The following NLGN4X variants were observed in gnomAD, a reference collection of about 807,000 sequenced individuals.
NLGN4X encodes neuroligin-4, X-linked.
A neutral mutation model predicts 40.3 loss-of-function variants in NLGN4X; 3 were observed. The ratio of observed to expected loss-of-function variants is 0.07; its 90% CI spans 0.03 to 0.19. The LOEUF (loss-of-function observed/expected upper bound fraction) is 0.19, where lower values mean the gene tolerates loss of function less well. NLGN4X is among the 10% of genes least tolerant of loss of function. The probability of loss-of-function intolerance (pLI) is 1.00; values close to 1 mark genes in which losing one functional copy is unlikely to be tolerated. For missense variants in NLGN4X, 382 were observed against 708.3 expected, an observed-to-expected ratio of 0.54 and a Z score of 5.23; for synonymous variants, 270 against 306.8, an observed-to-expected ratio of 0.88 and a Z score of 1.25.
At chrX:6,171,903 T>C (rs1440360692) in intron 1 of NLGN4X, among the ~76,000 whole-genome samples, 1 of 111,098 alleles carries the variant, frequency 9.0e-6, no homozygotes, top group Admixed American at 9.6e-5. Context: ...TACACACCCC[T>C]TGGTACTGTA....
rs113472506 is a variant in NLGN4X at position 5,969,860 on chromosome X, C to T, written c.625+59420G>A. On this transcript the variant is annotated intron_variant, in intron 3 of 5. Coordinates refer to ENST00000381095, the MANE Select transcript of NLGN4X (RefSeq NM_181332.3). ...TATGCAGCCATAAAAATGATGAGTTCGTGTCCTTTGTAGGGACATGGATGA... is the reference window on the plus strand; with the variant it reads ...TATGCAGCCATAAAAATGATGAGTTTGTGTCCTTTGTAGGGACATGGATGA... 5.9e-3 allele frequency among the ~76,000 whole-genome samples: 650 copies of T among 110,147 alleles called. 7 individuals are homozygous for T. Among genetic ancestry groups the T allele is most frequent in the African/African-American group, 0.02 (594 of 30,308 alleles).
At chrX:6,181,817 G>A (rs1602381090) in intron 1 of NLGN4X, among the ~76,000 whole-genome samples, 1 of 112,416 alleles carries the variant, frequency 8.9e-6, no homozygotes, top group East Asian at 2.8e-4. Context: ...ATTAGACGGA[G>A]TGGTGATTAC....
At chrX:6,080,863 A>T (rs1288017030) in intron 2 of NLGN4X, among the ~76,000 whole-genome samples, 1 of 111,206 alleles carries the variant, frequency 9.0e-6, no homozygotes, top group African/African-American at 3.3e-5. Flanking sequence ...TTTAATAGAG[A>T]CAGCGTCTCA....
At chrX:5,901,812 TA>T (rs2031885488) in intron 5 of NLGN4X, among the ~76,000 whole-genome samples, 1 of 107,314 alleles carries the variant, frequency 9.3e-6, no homozygotes. Flanking sequence ...ATATATTGTA[TA>T]TATATAGTAT....
chrX:6,098,386 T>G (rs1164113242), intron 2 of NLGN4X, among the ~76,000 whole-genome samples: 1 of 111,459 alleles, frequency 9.0e-6, no homozygotes. Flanking sequence ...TATGTGAGAC[T>G]CACTAATCAC....
In NLGN4X at chrX:6,107,588, A is replaced by G. The variant is rs182405958; in HGVS notation, c.472+43407T>C. Among the ~76,000 whole-genome samples, 210 of 111,440 alleles carry G rather than the reference A, an allele frequency of 1.9e-3. 1 individual carries two copies. Among genetic ancestry groups the G allele is most frequent in the African/African-American group, 6.1e-3 (187 of 30,647 alleles). ...AATTTGGATTCAGGGGTGCATGTGCAGGTTTCTTACATGGGTATATTGCAC... is the reference window on the plus strand; with the variant it reads ...AATTTGGATTCAGGGGTGCATGTGCGGGTTTCTTACATGGGTATATTGCAC... On this transcript the variant is annotated intron_variant, in intron 2 of 5. Transcript: ENST00000381095.
chrX:6,045,068 T>C (rs368518301), intron 2 of NLGN4X, among the ~76,000 whole-genome samples: 1 of 111,757 alleles, frequency 8.9e-6, no homozygotes, highest in East Asian at 2.8e-4. Context: ...TAAGGAAAAA[T>C]ACAGAAACAG....
At chrX:5,994,816 T>C (rs1196206310) in intron 3 of NLGN4X, among the ~76,000 whole-genome samples, 3 of 111,961 alleles carry the variant, frequency 2.7e-5, no homozygotes, top group African/African-American at 9.7e-5. Context: ...AGAGGGATAT[T>C]GAATTCACTA....
At chrX:6,211,722 G>A (rs1299264530) in intron 1 of NLGN4X, among the ~76,000 whole-genome samples, 2 of 111,599 alleles carry the variant, frequency 1.8e-5, no homozygotes, top group East Asian at 2.8e-4. Flanking sequence ...ATGTCCATAC[G>A]TACATATGAT....
chrX:5,941,593 A>C (rs910142122), intron 3 of NLGN4X, among the ~76,000 whole-genome samples: 1 of 112,262 alleles, frequency 8.9e-6, no homozygotes, highest in Non-Finnish European at 1.9e-5. Flanking sequence ...GGAGGTAATA[A>C]ATCTCCCAAG....
chrX:6,053,813 T>C (rs992911581), intron 2 of NLGN4X, among the ~76,000 whole-genome samples: 3 of 112,445 alleles, frequency 2.7e-5, no homozygotes, highest in South Asian at 3.7e-4. Context: ...AGAAATACTC[T>C]ATTTCAGTAG....
intron 2 of NLGN4X, among the ~76,000 whole-genome samples, chrX:6,105,431 C>CA (rs145314600): frequency 0.018 from 1,407 of 79,398 alleles, 13 homozygotes; most frequent in African/African-American, 0.051. Flanking sequence ...AAAGCACAAG[C>CA]AAAAAAAAAA....
At chrX:5,955,775 T>C (rs2034471717) in intron 3 of NLGN4X, among the ~76,000 whole-genome samples, 1 of 97,525 alleles carries the variant, frequency 1.0e-5, no homozygotes. Context: ...AGTACTTCAA[T>C]ATTTGTTAGA....
chrX:5,941,180 G>GTGTGT (rs1569143828), intron 3 of NLGN4X, among the ~76,000 whole-genome samples: 3,013 of 58,581 alleles, frequency 0.051, 95 homozygotes, highest in African/African-American at 0.072. Context: ...TATGCTAGGG[G>GTGTGT]GTGTGTGTGT....
At chrX:6,011,366 A>AATATATATATAT (rs10584166) in intron 3 of NLGN4X, among the ~76,000 whole-genome samples, 112 of 101,443 alleles carry the variant, frequency 1.1e-3, no homozygotes, top group African/African-American at 3.9e-3. Flanking sequence ...CAAATTCAGA[A>AATATATATATAT]ATATATATAT....
intron 3 of NLGN4X, among the ~76,000 whole-genome samples, chrX:5,944,650 CAA>C (rs750871231): frequency 4.5e-3 from 116 of 25,557 alleles, no homozygotes; most frequent in African/African-American, 0.011. Flanking sequence ...GACTCTGTCT[CAA>C]AAAAAAAAAA....
At chrX:6,165,558 G>A (rs1258878281) in intron 1 of NLGN4X, among the ~76,000 whole-genome samples, 1 of 111,739 alleles carries the variant, frequency 8.9e-6, no homozygotes, top group East Asian at 2.8e-4. Context: ...CTTTTTAAAT[G>A]AAAATAACAT....
At chrX:6,051,486 T>C (rs1042629422) in intron 2 of NLGN4X, among the ~76,000 whole-genome samples, 1 of 110,641 alleles carries the variant, frequency 9.0e-6, no homozygotes, top group Admixed American at 9.7e-5. Context: ...CAGAAACATA[T>C]GGAGAGAAGA....
intron 3 of NLGN4X, among the ~76,000 whole-genome samples, chrX:5,942,986 A>C (rs1328584176): frequency 8.9e-6 from 1 of 111,830 alleles, no homozygotes; most frequent in Non-Finnish European, 1.9e-5. Flanking sequence ...GATATAATTA[A>C]GGTTACTAGG....
Sources: gnomAD v4.1 joint callset for allele counts (sites outside exome capture counted in the v4.1 genomes callset) on GRCh38, gnomAD v4.1.1 for gene constraint, MANE v1.5 for transcripts, NCBI Gene and HGNC (gene_info 2026-07-23, HGNC 2026-07-21) for gene names.